The following CSMD1 variants were observed in gnomAD, a reference collection of about 807,000 sequenced individuals.
CSMD1 encodes CUB and sushi domain-containing protein 1.
CSMD1 carries 213 observed loss-of-function variants against 417.5 expected under a neutral mutation model. The ratio of observed to expected loss-of-function variants is 0.51; its 90% CI spans 0.46 to 0.57. The LOEUF is 0.57. Ranked by LOEUF, CSMD1 falls within the 20% of genes least tolerant of loss-of-function variation. The pLI, the probability that CSMD1 is intolerant of heterozygous loss-of-function variation, is 0.00. For missense variants in CSMD1, 6,923 were observed against 4,529.7 expected (o/e 1.53, Z -15.17); for synonymous variants, 2,862 against 1,736.8 (o/e 1.65, Z -16.11).
intron 5 of CSMD1, among the ~76,000 whole-genome samples, chr8:3,874,335 G>A (rs1401588146): frequency 6.6e-6 from 1 of 152,142 alleles, no homozygotes; most frequent in East Asian, 1.9e-4. Flanking sequence ...CTTATCTAAA[G>A]TGAGGTTTTG....
intron 5 of CSMD1, among the ~76,000 whole-genome samples, chr8:3,973,255 T>G (rs1040421477): frequency 6.6e-6 from 1 of 152,178 alleles, no homozygotes; most frequent in African/African-American, 2.4e-5. Flanking sequence ...GAGTGAGAGC[T>G]ATGGCTTGGT....
intron 37 of CSMD1, among the ~76,000 whole-genome samples, chr8:3,168,293 C>T (rs936365105): frequency 3.3e-5 from 5 of 152,142 alleles, no homozygotes; most frequent in Non-Finnish European, 7.3e-5. Context: ...AACTTGTTGG[C>T]TGTAGTGTTT....
chr8:3,381,762 G>C (rs1304714921), intron 18 of CSMD1, among the ~76,000 whole-genome samples: 2 of 152,070 alleles, frequency 1.3e-5, no homozygotes, highest in African/African-American at 2.4e-5. Flanking sequence ...AAAATGTAGA[G>C]TGAAAAATAA....
At chr8:4,939,367 T>A (rs557348077) in intron 1 of CSMD1, among the ~76,000 whole-genome samples, 7 of 152,324 alleles carry the variant, frequency 4.6e-5, no homozygotes, top group Non-Finnish European at 7.4e-5. Flanking sequence ...AGCAGCACTA[T>A]TCATTAATAG....
intron 5 of CSMD1, among the ~76,000 whole-genome samples, chr8:3,944,919 G>A (rs1046783085): frequency 1.2e-4 from 18 of 152,088 alleles, no homozygotes; most frequent in African/African-American, 3.9e-4. Flanking sequence ...GTTTCTGAAC[G>A]CTGTCTCTCA....
rs142721976 is a variant in CSMD1 at position 4,331,240 on chromosome 8, C to A, written c.415+88713G>T. ...CCTCCCAGGTGAGTCCCTGTGGGAA[C>A]CTCTTTCAGAGAGAAGCCAGGGAAC... On this transcript the variant is annotated intron_variant, in intron 3 of 69. Coordinates refer to ENST00000635120, the MANE Select transcript of CSMD1 (RefSeq NM_033225.6). Among the ~76,000 whole-genome samples the A allele has an allele frequency of 1.7e-3, 253 of 152,216 alleles. 1 individual carries two copies. Among genetic ancestry groups the A allele is most frequent in the African/African-American group, 5.7e-3 (238 of 41,526 alleles).
intron 11 of CSMD1, among the ~76,000 whole-genome samples, chr8:3,482,972 G>A (rs183168981): frequency 7.9e-5 from 12 of 152,184 alleles, no homozygotes; most frequent in Admixed American, 5.9e-4. Context: ...GTGGGAAGCA[G>A]ATAAAACAGT....
chr8:4,140,140 C>T (rs548909734), intron 3 of CSMD1, among the ~76,000 whole-genome samples: 1 of 150,766 alleles, frequency 6.6e-6, no homozygotes, highest in Admixed American at 6.6e-5. Flanking sequence ...ATTCCTTGAG[C>T]CCAGGGGTTT....
intron 1 of CSMD1, among the ~76,000 whole-genome samples, chr8:4,834,654 T>A (rs1424034513): frequency 1.3e-5 from 2 of 150,554 alleles, no homozygotes; most frequent in African/African-American, 4.9e-5. Flanking sequence ...AAAAGAAGAA[T>A]GAATTAAAAG....
At chr8:4,929,973 C>T (rs1435582316) in intron 1 of CSMD1, among the ~76,000 whole-genome samples, 1 of 152,158 alleles carries the variant, frequency 6.6e-6, no homozygotes, top group South Asian at 2.1e-4. Flanking sequence ...GTTGTGAGAT[C>T]AGGAATTTTA....
At chr8:3,301,752 C>T (rs1468710674) in intron 25 of CSMD1, among the ~76,000 whole-genome samples, 2 of 152,074 alleles carry the variant, frequency 1.3e-5, no homozygotes, top group African/African-American at 4.8e-5. Context: ...GGGTAAGGAG[C>T]TGGTGCTTGT....
chr8:3,607,336 C>A (rs1421245011), intron 8 of CSMD1, among the ~76,000 whole-genome samples: 1 of 152,140 alleles, frequency 6.6e-6, no homozygotes, highest in African/African-American at 2.4e-5. Context: ...CTGGATACCA[C>A]CTGAAGGACC....
At chr8:4,642,853 T>C (rs1803284136) in intron 1 of CSMD1, among the ~76,000 whole-genome samples, 1 of 152,278 alleles carries the variant, frequency 6.6e-6, no homozygotes, top group East Asian at 1.9e-4. Flanking sequence ...TGACATGTAA[T>C]TGGGTTTAGG....
At chr8:4,372,746 G>GA (rs11350132) in intron 3 of CSMD1, among the ~76,000 whole-genome samples, 72 of 145,432 alleles carry the variant, frequency 5.0e-4, no homozygotes, top group Admixed American at 9.6e-4. Context: ...GGAGGCAAAA[G>GA]AAAAAAAAAA....
At chr8:4,317,572 T>C (rs528560349) in intron 3 of CSMD1, among the ~76,000 whole-genome samples, 1 of 151,930 alleles carries the variant, frequency 6.6e-6, no homozygotes, top group Non-Finnish European at 1.5e-5. Context: ...CCAAGTTAAG[T>C]GTCAGTACTC....
At chr8:4,117,618 A>T (rs956633362) in intron 3 of CSMD1, among the ~76,000 whole-genome samples, 1 of 152,208 alleles carries the variant, frequency 6.6e-6, no homozygotes, top group East Asian at 1.9e-4. Flanking sequence ...CCAGTTAGAG[A>T]AAAGGTGTGT....
At chr8:4,468,532 G>C (rs747692637) in intron 2 of CSMD1, among the ~76,000 whole-genome samples, 2 of 152,004 alleles carry the variant, frequency 1.3e-5, no homozygotes, top group Non-Finnish European at 2.9e-5. Flanking sequence ...TTACATGAAG[G>C]CATTTACACA....
In CSMD1 at chr8:3,574,936, G is replaced by C. The variant is rs1386920323; in HGVS notation, c.1344+9C>G. On this transcript the variant is annotated intron_variant, in intron 10 of 69. Coordinates refer to ENST00000635120, the MANE Select transcript of CSMD1 (RefSeq NM_033225.6). ...GCATTAACCACAGGGGTTGGAGGCG[G>C]AGCCTTACCTTGTCCGGGTCGGTGG... is the stretch of plus-strand genomic sequence containing the variant. The C allele has an allele frequency of 4.3e-6, 7 of 1,611,474 alleles. No homozygotes were observed. Among genetic ancestry groups the C allele is most frequent in the Non-Finnish European group, 5.9e-6 (7 of 1,179,432 alleles).
At chr8:4,419,311 A>G (rs897888976) in intron 3 of CSMD1, among the ~76,000 whole-genome samples, 1 of 152,192 alleles carries the variant, frequency 6.6e-6, no homozygotes, top group Admixed American at 6.5e-5. Flanking sequence ...AGTATTAACT[A>G]GTTCAATTTC....
Sources: gnomAD v4.1 joint callset for allele counts (sites outside exome capture counted in the v4.1 genomes callset) on GRCh38, gnomAD v4.1.1 for gene constraint, MANE v1.5 for transcripts, NCBI Gene and HGNC (gene_info 2026-07-23, HGNC 2026-07-21) for gene names.